The following ZPBP variants were observed in gnomAD, a reference collection of about 807,000 sequenced individuals.
ZPBP encodes the protein zona pellucida-binding protein 1.
In ZPBP, 26 loss-of-function variants were observed where a neutral mutation model predicts 44.8. That is an observed-to-expected ratio of 0.58 (90% CI 0.43 to 0.81). The LOEUF (loss-of-function observed/expected upper bound fraction) is 0.81, where lower values mean the gene tolerates loss of function less well. Ranked by LOEUF, ZPBP falls within the 30% of genes least tolerant of loss-of-function variation. The pLI is 0.00. For synonymous variants in ZPBP, 174 were observed against 153.2 expected (o/e 1.14, Z -1.00); for missense variants, 409 against 434.0 (o/e 0.94, Z 0.51).
At chr7:49,924,441 C>T (rs1018235413) in intron 1 of ZPBP, among the ~76,000 whole-genome samples, 1 of 152,158 alleles carries the variant, frequency 6.6e-6, no homozygotes, top group Non-Finnish European at 1.5e-5. Context: ...GCATTGACAT[C>T]ACATGAATTA....
intron 5 of ZPBP, among the ~76,000 whole-genome samples, chr7:50,026,148 C>A (rs1799313890): frequency 6.6e-6 from 1 of 151,804 alleles, no homozygotes; most frequent in South Asian, 2.1e-4. Context: ...GATCTCTACA[C>A]AAACATCAGA....
chr7:50,017,537 A>G (rs1798868399), intron 6 of ZPBP, among the ~76,000 whole-genome samples: 1 of 152,174 alleles, frequency 6.6e-6, no homozygotes, highest in Non-Finnish European at 1.5e-5. Flanking sequence ...AGGCTTACTG[A>G]GTACAAATTA....
chr7:50,051,104 C>T (rs1800672881), intron 4 of ZPBP, among the ~76,000 whole-genome samples: 1 of 151,736 alleles, frequency 6.6e-6, no homozygotes, highest in South Asian at 2.1e-4. Flanking sequence ...AAAAAACAAC[C>T]CCATTAAAAA....
chr7:50,030,257 G>A (rs945979927), intron 5 of ZPBP, among the ~76,000 whole-genome samples: 1 of 152,000 alleles, frequency 6.6e-6, no homozygotes, highest in African/African-American at 2.4e-5. Context: ...AAGGGAAGGG[G>A]AATAGCAAGG....
chr7:49,946,957 C>T (rs777611413), intron 7 of ZPBP, among the ~76,000 whole-genome samples: 2 of 152,066 alleles, frequency 1.3e-5, no homozygotes, highest in African/African-American at 2.4e-5. Context: ...TTTATTTTGC[C>T]TGATAAATTC....
chr7:49,877,912 G>T (rs573835813), intron 2 of ZPBP, among the ~76,000 whole-genome samples: 1 of 152,010 alleles, frequency 6.6e-6, no homozygotes, highest in East Asian at 1.9e-4. Context: ...AAATGTTTTG[G>T]GTCTAGTTGA....
chr7:49,954,421 A>G (rs1795482849), intron 7 of ZPBP, among the ~76,000 whole-genome samples: 1 of 152,208 alleles, frequency 6.6e-6, no homozygotes, highest in African/African-American at 2.4e-5. Flanking sequence ...AAACAAGGGT[A>G]ACAAAAGAAA....
At chr7:50,078,169 G>A (rs1802193655) in intron 3 of ZPBP, among the ~76,000 whole-genome samples, 1 of 151,494 alleles carries the variant, frequency 6.6e-6, no homozygotes, top group East Asian at 1.9e-4. Context: ...GTTCTCACTT[G>A]TCTGTAGGAT....
At chr7:49,994,365 G>T (rs1003982293) in intron 6 of ZPBP, among the ~76,000 whole-genome samples, 1 of 152,182 alleles carries the variant, frequency 6.6e-6, no homozygotes, top group Admixed American at 6.5e-5. Context: ...TTCAGCCTGG[G>T]AGAGAGAAGC....
rs183464611 is a variant in ZPBP at position 49,877,507 on chromosome 7, T to G, written n.509+23611A>C. On this transcript the variant is annotated intron_variant and non_coding_transcript_variant, in intron 2 of 2. Coordinates refer to the ZPBP transcript ENST00000465922. ...ATATATATATATATATATATATATA[T>G]ATATATATATAGTTATTTGGTCACT... 2.9e-3 allele frequency among the ~76,000 whole-genome samples: 261 copies of G among 90,220 alleles called. 3 individuals carry two copies. The highest frequency in any genetic ancestry group is 4.8e-3 in the Non-Finnish European group (207 of 42,942). 59.2% of individuals were successfully genotyped at this position (90,220 alleles called of 152,430 possible).
intron 5 of ZPBP, among the ~76,000 whole-genome samples, chr7:50,018,887 G>A (rs1051590629): frequency 1.3e-5 from 2 of 151,910 alleles, no homozygotes; most frequent in Non-Finnish European, 2.9e-5. Context: ...ATTACTCTAG[G>A]TGCTTGGGAT....
At chr7:49,916,653 T>C (rs1793742159) in intron 1 of ZPBP, 1 of 152,248 alleles carries the variant, frequency 6.6e-6, no homozygotes, top group African/African-American at 2.4e-5. Context: ...TATCTATATG[T>C]TAAAGGCTTG....
chr7:49,920,689 C>T (rs1178097966), intron 1 of ZPBP: 1 of 151,048 alleles, frequency 6.6e-6, no homozygotes, highest in Non-Finnish European at 1.5e-5. Context: ...GAATAAAACA[C>T]ATATGTATTT....
chr7:49,945,891 G>T (rs1023606316), intron 7 of ZPBP, among the ~76,000 whole-genome samples: 11 of 151,846 alleles, frequency 7.2e-5, no homozygotes, highest in Non-Finnish European at 1.6e-4. Context: ...TTTTCTGGTT[G>T]TTTTGTGGTC....
At chr7:50,059,827 C>G (rs993942095) in intron 3 of ZPBP, among the ~76,000 whole-genome samples, 2 of 152,052 alleles carry the variant, frequency 1.3e-5, no homozygotes, top group African/African-American at 4.8e-5. Flanking sequence ...TGCCCCCTGA[C>G]TGCCTTCTTA....
intron 2 of ZPBP, among the ~76,000 whole-genome samples, chr7:50,085,894 C>T (rs749141000): frequency 6.6e-6 from 1 of 152,114 alleles, no homozygotes; most frequent in Non-Finnish European, 1.5e-5. Flanking sequence ...ATGCCCAGAA[C>T]AATCTGTATT....
intron 2 of ZPBP, among the ~76,000 whole-genome samples, chr7:49,866,313 C>T (rs1171504203): frequency 2.6e-5 from 4 of 152,192 alleles, no homozygotes; most frequent in Non-Finnish European, 5.9e-5. Flanking sequence ...ACACTGGTTG[C>T]CACTTTTCCT....
At chr7:49,961,565 T>C (rs1228595190) in intron 7 of ZPBP, among the ~76,000 whole-genome samples, 1 of 152,106 alleles carries the variant, frequency 6.6e-6, no homozygotes, top group Non-Finnish European at 1.5e-5. Flanking sequence ...CACTAAACTG[T>C]AAAATTTCAA....
intron 2 of ZPBP, among the ~76,000 whole-genome samples, chr7:49,860,328 T>G (rs1250179154): frequency 6.6e-6 from 1 of 152,242 alleles, no homozygotes; most frequent in African/African-American, 2.4e-5. Context: ...TTCTAGCTAT[T>G]TCACATGAGT....
Sources: allele counts gnomAD v4.1 joint callset (sites outside exome capture counted in the v4.1 genomes callset), GRCh38; gene constraint gnomAD v4.1.1; transcripts MANE v1.5; gene names NCBI Gene and HGNC (gene_info 2026-07-23, HGNC 2026-07-21).